POLR3E: variants seen among roughly 807,000 people sequenced by gnomAD.
POLR3E encodes the protein DNA-directed RNA polymerase III subunit RPC5.
In POLR3E, 41 loss-of-function variants were observed where a neutral mutation model predicts 96.6. The observed-to-expected ratio is 0.42, with a 90% CI of 0.33 to 0.55. The LOEUF (loss-of-function observed/expected upper bound fraction) is 0.55. Among genes scored for constraint, POLR3E ranks in the 20% least tolerant of loss-of-function variants. The pLI, the probability that POLR3E is intolerant of heterozygous loss-of-function variation, is 0.06. For synonymous variants in POLR3E, 396 were observed against 383.6 expected (o/e 1.03, Z -0.38); for missense variants, 849 against 952.1 (o/e 0.89, Z 1.43).
At chr16:22,311,869 A>G (rs542016695) in intron 6 of POLR3E, among the ~76,000 whole-genome samples, 1 of 152,258 alleles carries the variant, frequency 6.6e-6, no homozygotes, top group Admixed American at 6.5e-5. Context: ...CATGCTGTAC[A>G]GTGTGTAGCC....
Position 22,313,702 on chromosome 16 carries a change from C to G in POLR3E, c.447C>G (p.His149Gln), listed in dbSNP as rs1399860483. ...FSYLDKADAK[H>Q]REREAANEAG... ...ACCTGGATAAGGCTGACGCCAAGCA[C>G]CGGGAGAGGGAGGCGGCCAACGAGG... is the stretch of plus-strand genomic sequence containing the variant. Residue 149 changes from histidine to glutamine, a missense_variant, in exon 7 of 21, where the codon CAC (histidine) becomes CAG (glutamine). Coordinates refer to ENST00000299853, the MANE Select transcript of POLR3E (RefSeq NM_018119.4). This position sits in a 1 kb window ranked among gnomAD's most constrained non-coding sequence, Gnocchi z 4.1. The G allele has an allele frequency of 1.2e-6, 2 of 1,613,220 alleles. No homozygotes were observed. The highest frequency in any genetic ancestry group is 8.5e-7 in the Non-Finnish European group (1 of 1,179,696).
chr16:22,298,856 C>A, intron 1 of POLR3E: 1 of 421,280 alleles, frequency 2.4e-6, no homozygotes, highest in Non-Finnish European at 4.8e-6. Flanking sequence ...AGGCACTGTT[C>A]TAGGTATTGA....
Position 22,317,213 on chromosome 16 carries a change from G to T in POLR3E, c.865+7G>T. The T allele has an allele frequency of 6.2e-7, 1 of 1,607,430 alleles. No individual in the cohort carries two copies. Reference sequence around the variant, plus strand: ...AAGATCCTGATGAAGAATGGTGGGTGCCTACCCCCTGCCCACCCGGGGGCC... The same window carrying T: ...AAGATCCTGATGAAGAATGGTGGGTTCCTACCCCCTGCCCACCCGGGGGCC... On this transcript the variant is annotated splice_region_variant and intron_variant, in intron 12 of 20. Transcript: ENST00000299853.
At chr16:22,305,800 G>A (rs2048121815) in intron 3 of POLR3E, among the ~76,000 whole-genome samples, 1 of 152,182 alleles carries the variant, frequency 6.6e-6, no homozygotes, top group African/African-American at 2.4e-5. Flanking sequence ...CATGTATTGA[G>A]CATTGACCGT....
In POLR3E at chr16:22,333,784, A is replaced by T; in HGVS notation, c.*84A>T. ...GAAGTAGGGCCTCGACTTGCTTCAG[A>T]CGACACAGAGCAAGAGGAACTGACC... On this transcript the variant is annotated 3_prime_UTR_variant, in exon 21 of 21. Transcript: ENST00000299853. The T allele has an allele frequency of 2.2e-6, 2 of 915,870 alleles. No homozygotes were observed. The highest frequency in any genetic ancestry group is 1.3e-5 in the South Asian group (1 of 75,800). The allele number at this position is 915,870 out of a possible 1,614,324, so 56.7% of individuals were successfully genotyped here. A position where few individuals can be genotyped will look rare whatever the true frequency, so the allele number is the denominator to read the frequency against.
At position 22,313,559 on chromosome 16, in the gene POLR3E, T is replaced by A; in HGVS notation, c.365-61T>A. On this transcript the variant is annotated intron_variant, in intron 6 of 20. Transcript: ENST00000299853. The surrounding 1 kb of genome is among the most constrained non-coding windows in gnomAD (Gnocchi z 4.1). ...CTAGGCCTTCACGGGACTTGGTGAC[T>A]CTCTTGAGCCAAACTGGGTGGGTTT... 1 of 1,112,354 alleles carries A rather than the reference T, an allele frequency of 9.0e-7. No individual in the cohort carries two copies. The highest frequency in any genetic ancestry group is 1.4e-6 in the Non-Finnish European group (1 of 730,134). The allele number at this position is 1,112,354 out of a possible 1,614,324, so 68.9% of individuals were successfully genotyped here. A position where few individuals can be genotyped will look rare whatever the true frequency, so the allele number is the denominator to read the frequency against.
rs753590590 is a variant in POLR3E at position 22,326,233 on chromosome 16, A to C, written c.1821A>C (p.Leu607=). 6.3e-7 allele frequency: 1 copy of C among 1,584,406 alleles called. No homozygotes were observed. Among genetic ancestry groups the C allele is most frequent in the Non-Finnish European group, 8.6e-7 (1 of 1,161,660 alleles). ...TCAGCGGCATCTCGGACCGCATGCT[A>C]CAGGACACGGTGCTGGCCGCCGGTT... The part of the protein sequence containing the change: ...TLFSGISDRM[L]QDTVLAAGCK... The change falls in exon 18 of 21, where the codon CTA becomes CTC. Residue 607 remains leucine (L), a synonymous_variant. Coordinates refer to ENST00000299853, the MANE Select transcript of POLR3E (RefSeq NM_018119.4).
At chr16:22,330,668 T>C (rs117332033) in intron 19 of POLR3E, among the ~76,000 whole-genome samples, 2,189 of 152,326 alleles carry the variant, frequency 0.014, 23 homozygotes, top group Non-Finnish European at 0.019. Context: ...TCTTCCTTGC[T>C]TTAGCTTCTG....
rs139698609 is a variant in POLR3E at position 22,298,176 on chromosome 16, G to A, written c.-39+639G>A. On this transcript the variant is annotated intron_variant, in intron 1 of 20. Coordinates refer to ENST00000299853, the MANE Select transcript of POLR3E (RefSeq NM_018119.4). ...TAAACAAACAAGGTCGTTCCTTTGG[G>A]TTAGCTTTAGAATTCCTTGGGCTTG... is the stretch of plus-strand genomic sequence containing the variant. Among the ~76,000 whole-genome samples the A allele has an allele frequency of 4.2e-4, 64 of 152,354 alleles. No homozygotes were observed. In the East Asian group the frequency reaches 0.011, roughly 26 times the overall value.
chr16:22,324,741 G>A (rs1354571303), intron 16 of POLR3E, 81 bp downstream of exon 16: 74 of 1,473,106 alleles, frequency 5.0e-5, no homozygotes, highest in Non-Finnish European at 5.1e-5. Context: ...GGGTGGATCC[G>A]AGCAATCTCT....
intron 18 of POLR3E, chr16:22,328,213 C>G: frequency 3.2e-6 from 1 of 309,030 alleles, no homozygotes. Flanking sequence ...ACGCAGCTTC[C>G]CCACTGTACG....
At chr16:22,329,463 A>G (rs561556120) in intron 19 of POLR3E, among the ~76,000 whole-genome samples, 1 of 152,202 alleles carries the variant, frequency 6.6e-6, no homozygotes, top group Admixed American at 6.5e-5. Context: ...TTGATGGTCG[A>G]AACGCCAGTC....
rs58949663 is a variant in POLR3E, at chr16:22,303,639, C to CTTTTTTTTTT, written c.36+644_36+653dup. On this transcript the variant is annotated intron_variant, in intron 2 of 20. Coordinates refer to ENST00000299853, the MANE Select transcript of POLR3E (RefSeq NM_018119.4). ...TACAGGCAGTGGGAGGCAGATTTCCCTTTTTTTTTTTTTTTTTTGGAGACA... is the reference window on the plus strand; with the variant it reads ...TACAGGCAGTGGGAGGCAGATTTCCCTTTTTTTTTTTTTTTTTTTTTTTTTTTTGGAGACA... 3.1e-4 allele frequency among the ~76,000 whole-genome samples: 35 copies of CTTTTTTTTTT among 114,226 alleles called. 4 individuals carry two copies. Among genetic ancestry groups the CTTTTTTTTTT allele is most frequent in the African/African-American group, 1.2e-3 (26 of 20,802 alleles). 74.9% of individuals were successfully genotyped at this position (114,226 alleles called of 152,430 possible). A position where few individuals can be genotyped will look rare whatever the true frequency, so the allele number is the denominator to read the frequency against.
At chr16:22,297,968 C>G (rs560915354) in intron 1 of POLR3E, among the ~76,000 whole-genome samples, 2 of 152,352 alleles carry the variant, frequency 1.3e-5, no homozygotes, top group South Asian at 2.1e-4. Flanking sequence ...GGCGGCCCGC[C>G]CCGATGGGCA....
chr16:22,305,828 C>A (rs969255678), intron 3 of POLR3E, among the ~76,000 whole-genome samples: 11 of 152,164 alleles, frequency 7.2e-5, no homozygotes, highest in Admixed American at 5.9e-4. Flanking sequence ...CTGTTGAAAG[C>A]ATTTACCTCA....
chr16:22,333,143 CCTCA>C (rs1477594299), intron 20 of POLR3E, among the ~76,000 whole-genome samples: 2 of 149,624 alleles, frequency 1.3e-5, no homozygotes, highest in East Asian at 4.2e-4. Flanking sequence ...CCTGGCCCAC[CCTCA>C]CTTTTAAAAT....
chr16:22,301,686 G>T (rs1013523858), intron 1 of POLR3E, among the ~76,000 whole-genome samples: 2 of 152,208 alleles, frequency 1.3e-5, no homozygotes, highest in African/African-American at 2.4e-5. Flanking sequence ...AGCACTTTGG[G>T]AAACCAAGGC....
intron 13 of POLR3E, among the ~76,000 whole-genome samples, chr16:22,319,909 C>T (rs949154109): frequency 6.6e-6 from 1 of 152,082 alleles, no homozygotes; most frequent in African/African-American, 2.4e-5. Context: ...TTATAGTCAC[C>T]CTGTAGTACC....
chr16:22,298,405 C>T (rs144462840), intron 1 of POLR3E, among the ~76,000 whole-genome samples: 21 of 152,320 alleles, frequency 1.4e-4, no homozygotes, highest in East Asian at 1.3e-3. Context: ...AACAAACCTT[C>T]CCAGAGGTTA....
Sources: allele counts gnomAD v4.1 joint callset (sites outside exome capture counted in the v4.1 genomes callset), GRCh38; gene constraint gnomAD v4.1.1; non-coding constraint Gnocchi (gnomAD v3.1); transcripts MANE v1.5; gene names NCBI Gene and HGNC (gene_info 2026-07-23, HGNC 2026-07-21).